The following FGD4 variants were observed in gnomAD, a reference collection of about 807,000 sequenced individuals.
FGD4 encodes FYVE, RhoGEF and PH domain containing 4, also known as FYVE, RhoGEF and PH domain-containing protein 4.
Under a neutral mutation model 102.0 loss-of-function variants are expected in FGD4, and 42 were observed. The observed-to-expected ratio is 0.41, with a 90% CI of 0.32 to 0.53. FGD4 has a LOEUF of 0.53. FGD4 is among the 20% of genes least tolerant of loss of function. FGD4 has a pLI of 0.21. For synonymous variants in FGD4, 380 were observed against 375.7 expected, an observed-to-expected ratio of 1.01 and a Z score of -0.13; for missense variants, 902 against 1,078.2, an observed-to-expected ratio of 0.84 and a Z score of 2.29.
At chr12:32,563,065 G>C (rs1343099706) in intron 1 of FGD4, among the ~76,000 whole-genome samples, 1 of 147,980 alleles carries the variant, frequency 6.8e-6, no homozygotes, top group Non-Finnish European at 1.5e-5. Flanking sequence ...CCTCCCTCCC[G>C]GACGGGGCGG....
chr12:32,626,170 C>T (rs974696707), intron 14 of FGD4, among the ~76,000 whole-genome samples: 1 of 152,126 alleles, frequency 6.6e-6, no homozygotes, highest in African/African-American at 2.4e-5. Context: ...AGGGGCTGGG[C>T]GCAGTGGCTT....
chr12:32,452,687 A>G (rs2136476971), intron 1 of FGD4, among the ~76,000 whole-genome samples: 1 of 152,156 alleles, frequency 6.6e-6, no homozygotes, highest in East Asian at 1.9e-4. Flanking sequence ...CCAAGAGTGT[A>G]TTATGGTAAA....
chr12:32,564,178 T>G lies in FGD4; in HGVS notation c.208T>G (p.Ser70Ala), dbSNP rs777586862. 3 of 1,535,998 alleles carry G rather than the reference T, an allele frequency of 2.0e-6. No homozygotes were observed. Among genetic ancestry groups the G allele is most frequent in the African/African-American group, 2.7e-5 (2 of 73,030 alleles). ...AAAGATCGCTTTAGTTCCACCTTGC[T>G]CCACAAGCAGCACAACCACACTGGT... ...CPKIALVPPC[S>A]TSSTTTLVGE... The change falls in exon 2 of 17, where the codon TCC becomes GCC. Residue 70 changes from serine to alanine, a missense_variant. This residue lies in a region of FGD4 where 443 missense variants were observed against 459.2 expected (regional missense o/e 0.96). Coordinates refer to ENST00000534526, the MANE Select transcript of FGD4 (RefSeq NM_001370298.3).
Position 32,643,413 on chromosome 12 carries a change from TA to T in FGD4, c.*2882del, listed in dbSNP as rs1300810501. 1 of 152,258 alleles carries T rather than the reference TA, an allele frequency of 6.6e-6. No homozygotes were observed. Among genetic ancestry groups the T allele is most frequent in the African/African-American group, 2.4e-5 (1 of 41,412 alleles). 9.4% of individuals were successfully genotyped at this position (152,258 alleles called of 1,614,324 possible). On this transcript the variant is annotated 3_prime_UTR_variant, in exon 17 of 17. Transcript: ENST00000534526. The stretch of plus-strand genomic sequence containing the variant: ...ATACGGTAATTCGAATTGCAGAGTA[TA>T]AGGAAGGGAAATGGGAAGGGGCATC...
rs1039645552 is a variant in FGD4, at chr12:32,564,141, C to T, written c.171C>T (p.Ser57=). 2.0e-6 allele frequency: 3 copies of T among 1,535,356 alleles called. No individual in the cohort carries two copies. The highest frequency in any genetic ancestry group is 2.7e-5 in the African/African-American group (2 of 73,022). The part of the protein sequence containing the change: ...KGQVPSGATG[S]STCPKIALVP... Reference sequence around the variant, plus strand: ...TTTCTTTCTGAACTCTTGCAGGCAGCAGTACCTGTCCAAAGATCGCTTTAG... The same window carrying T: ...TTTCTTTCTGAACTCTTGCAGGCAGTAGTACCTGTCCAAAGATCGCTTTAG... The change falls in exon 2 of 17, where the codon AGC becomes AGT. Residue 57 remains serine, a synonymous_variant. Coordinates refer to ENST00000534526, the MANE Select transcript of FGD4 (RefSeq NM_001370298.3).
In FGD4 at chr12:32,611,223, A is replaced by G. The variant is rs879254000; in HGVS notation, c.1689A>G (p.Glu563=). The G allele has an allele frequency of 1.9e-6, 3 of 1,614,226 alleles. No individual in the cohort carries two copies. Among genetic ancestry groups the G allele is most frequent in the Non-Finnish European group, 2.5e-6 (3 of 1,180,046 alleles). ...ACCCTTCAAATGAACTAATAAAAGA[A>G]GGACAGATCCTCAAACTAGCTGCTC... is the stretch of plus-strand genomic sequence containing the variant. ...IVNPSNELIK[E]GQILKLAARN... is the part of the protein sequence containing the mutation. Residue 563 remains glutamate, a synonymous_variant, in exon 10 of 17, where the codon GAA becomes GAG. Coordinates refer to ENST00000534526, the MANE Select transcript of FGD4 (RefSeq NM_001370298.3).
chr12:32,546,707 A>G (rs900045961), intron 1 of FGD4, among the ~76,000 whole-genome samples: 3 of 152,206 alleles, frequency 2.0e-5, no homozygotes, highest in African/African-American at 7.2e-5. Flanking sequence ...GAGTGTGCCC[A>G]CTGGTTTCCA....
At chr12:32,525,581 G>C (rs1466089638) in intron 1 of FGD4, among the ~76,000 whole-genome samples, 1 of 152,232 alleles carries the variant, frequency 6.6e-6, no homozygotes, top group Non-Finnish European at 1.5e-5. Context: ...GGCATTTGAG[G>C]ATCCCTTCAG....
At chr12:32,576,148 C>A in intron 2 of FGD4, 118 bp from the exon 3 acceptor site, 1 of 1,036,026 alleles carries the variant, frequency 9.7e-7, no homozygotes, top group Non-Finnish European at 1.4e-6. Flanking sequence ...AAATTTGACA[C>A]CTGCCCCCTT....
intron 1 of FGD4, among the ~76,000 whole-genome samples, chr12:32,419,015 G>C (rs1941532208): frequency 6.6e-6 from 1 of 152,122 alleles, no homozygotes; most frequent in Admixed American, 6.6e-5. Context: ...CTTATGGGGG[G>C]GTTCTGCCAG....
chr12:32,444,723 A>G (rs1325990943), intron 1 of FGD4, among the ~76,000 whole-genome samples: 1 of 152,128 alleles, frequency 6.6e-6, no homozygotes, highest in East Asian at 1.9e-4. Flanking sequence ...GATTTTTGAC[A>G]AGAATTTTCT....
At chr12:32,599,525 C>G (rs551875747) in intron 5 of FGD4, among the ~76,000 whole-genome samples, 1 of 91,834 alleles carries the variant, frequency 1.1e-5, no homozygotes, top group Non-Finnish European at 2.1e-5. Flanking sequence ...CTTTTGAAAA[C>G]TAAGGCATCT....
chr12:32,527,434 G>A (rs1941366566), intron 1 of FGD4, among the ~76,000 whole-genome samples: 1 of 120,932 alleles, frequency 8.3e-6, no homozygotes, highest in African/African-American at 3.9e-5. Flanking sequence ...AGCCTGGCCA[G>A]ACTTTTTTTT....
intron 1 of FGD4, among the ~76,000 whole-genome samples, chr12:32,458,868 A>G (rs1943021717): frequency 6.6e-6 from 1 of 152,214 alleles, no homozygotes; most frequent in South Asian, 2.1e-4. Context: ...CCCATTCTGT[A>G]GGGATACAAT....
At chr12:32,578,473 AT>A (rs1333095406) in intron 3 of FGD4, among the ~76,000 whole-genome samples, 1 of 152,102 alleles carries the variant, frequency 6.6e-6, no homozygotes, top group Admixed American at 6.5e-5. Context: ...CAGGAAATTG[AT>A]AGGAAGAACC....
At chr12:32,439,709 T>C (rs1185681335) in intron 1 of FGD4, among the ~76,000 whole-genome samples, 1 of 152,206 alleles carries the variant, frequency 6.6e-6, no homozygotes, top group African/African-American at 2.4e-5. Context: ...TATTGATATC[T>C]TTCTCCATGT....
At chr12:32,417,743 T>G (rs1456704377) in intron 1 of FGD4, among the ~76,000 whole-genome samples, 2 of 152,014 alleles carry the variant, frequency 1.3e-5, no homozygotes, top group Non-Finnish European at 2.9e-5. Context: ...CTCTGATGCA[T>G]TCTTCAGTAT....
chr12:32,565,475 T>C (rs1945114698), intron 2 of FGD4, among the ~76,000 whole-genome samples: 1 of 152,214 alleles, frequency 6.6e-6, no homozygotes, highest in Non-Finnish European at 1.5e-5. Flanking sequence ...TTCCAAAATA[T>C]AAAATTCCAT....
At chr12:32,605,158 C>A (rs1358344995) in intron 7 of FGD4, among the ~76,000 whole-genome samples, 1 of 149,058 alleles carries the variant, frequency 6.7e-6, no homozygotes, top group Non-Finnish European at 1.5e-5. Flanking sequence ...AGGCTGGTCT[C>A]AAACTCCTGG....
Sources: allele counts gnomAD v4.1 joint callset (sites outside exome capture counted in the v4.1 genomes callset), GRCh38; gene constraint gnomAD v4.1.1; regional missense constraint gnomAD v4.1.1; transcripts MANE v1.5; gene names NCBI Gene and HGNC (gene_info 2026-07-23, HGNC 2026-07-21).